The following RTN1 variants were observed in gnomAD, a reference collection of about 807,000 sequenced individuals.
RTN1 encodes reticulon 1.
In RTN1, 25 loss-of-function variants were observed where a neutral mutation model predicts 65.5. The ratio of observed to expected loss-of-function variants is 0.38; its 90% CI spans 0.28 to 0.53. The LOEUF (loss-of-function observed/expected upper bound fraction) is 0.53, where lower values mean the gene tolerates loss of function less well. RTN1 is among the 20% of genes least tolerant of loss of function. The pLI is 0.79. For synonymous variants in RTN1, 471 were observed against 447.6 expected (o/e 1.05, Z -0.66); for missense variants, 983 against 1,025.4 (o/e 0.96, Z 0.57).
chr14:59,743,245 A>C (rs1307320744), intron 2 of RTN1, among the ~76,000 whole-genome samples: 1 of 151,976 alleles, frequency 6.6e-6, no homozygotes, highest in Non-Finnish European at 1.5e-5. Flanking sequence ...ATGGCTACTT[A>C]AAAATGGAAA....
intron 1 of RTN1, among the ~76,000 whole-genome samples, chr14:59,850,026 C>G (rs894031581): frequency 1.3e-5 from 2 of 152,152 alleles, no homozygotes; most frequent in Admixed American, 1.3e-4. Flanking sequence ...TCTTCCCAGC[C>G]CCATTGCTCC....
chr14:59,690,399 A>G (rs950011159), intron 3 of RTN1, among the ~76,000 whole-genome samples: 10 of 152,198 alleles, frequency 6.6e-5, no homozygotes, highest in African/African-American at 9.6e-5. Flanking sequence ...TAGAAGCTTA[A>G]CTATCCTAAA....
chr14:59,790,723 T>C lies in RTN1; in HGVS notation c.242-44242A>G, dbSNP rs145512169. Among the ~76,000 whole-genome samples, 377 of 152,292 alleles carry C rather than the reference T, an allele frequency of 2.5e-3. 2 individuals are homozygous for C. Among genetic ancestry groups the C allele is most frequent in the Non-Finnish European group, 4.4e-3 (299 of 68,018 alleles). ...TTTTGCAAGTTCTTTTTAATGTTTT[T>C]TCTTTTTCATTTGTTCTATTTCCTA... On this transcript the variant is annotated intron_variant, in intron 1 of 8. Transcript: ENST00000267484. This position sits in a 1 kb window ranked among gnomAD's most constrained non-coding sequence, Gnocchi z 4.1.
intron 1 of RTN1, among the ~76,000 whole-genome samples, chr14:59,818,721 CTTAT>C (rs926607597): frequency 2.0e-5 from 3 of 152,174 alleles, no homozygotes; most frequent in African/African-American, 7.2e-5. Context: ...TCTCTTTTAA[CTTAT>C]TTGAGAATTC....
chr14:59,765,567 T>A (rs1405757997), intron 1 of RTN1, among the ~76,000 whole-genome samples: 16 of 152,254 alleles, frequency 1.1e-4, no homozygotes. Flanking sequence ...AAAATAGACA[T>A]CATAAACAAG....
intron 1 of RTN1, among the ~76,000 whole-genome samples, chr14:59,793,202 C>T (rs74833430): frequency 0.013 from 1,916 of 152,244 alleles, 38 homozygotes; most frequent in African/African-American, 0.043. Context: ...ACATCAAGTA[C>T]ACATTTTGAA....
intron 3 of RTN1, among the ~76,000 whole-genome samples, chr14:59,672,268 T>C (rs1202175206): frequency 6.6e-5 from 10 of 152,172 alleles, no homozygotes; most frequent in Admixed American, 6.5e-4. Context: ...TAGCAGCTGG[T>C]GTCCATTCAG....
intron 3 of RTN1, chr14:59,630,743 G>A (rs1882531514): frequency 2.8e-5 from 31 of 1,095,932 alleles, no homozygotes; most frequent in Non-Finnish European, 3.4e-5. Flanking sequence ...TGGGGATGCG[G>A]GCGCCGCTCC....
chr14:59,823,921 C>T (rs1289138022), intron 1 of RTN1, among the ~76,000 whole-genome samples: 10 of 152,198 alleles, frequency 6.6e-5, no homozygotes. Flanking sequence ...AGCTTGGTAT[C>T]TTTACACGAT....
At chr14:59,739,181 T>C (rs2139497475) in intron 2 of RTN1, among the ~76,000 whole-genome samples, 1 of 152,214 alleles carries the variant, frequency 6.6e-6, no homozygotes, top group South Asian at 2.1e-4. Flanking sequence ...GTCAGTCTTT[T>C]ATTAGGCAGG....
intron 1 of RTN1, among the ~76,000 whole-genome samples, chr14:59,833,133 T>C (rs1036009222): frequency 6.6e-6 from 1 of 152,168 alleles, no homozygotes; most frequent in African/African-American, 2.4e-5. Context: ...TCAGGAAGCA[T>C]CTTTATAACT....
chr14:59,618,543 T>C (rs1594635092), intron 3 of RTN1, among the ~76,000 whole-genome samples: 1 of 152,344 alleles, frequency 6.6e-6, no homozygotes, highest in East Asian at 1.9e-4. Context: ...GTGAGACTCA[T>C]TTGAATTACT....
intron 1 of RTN1, among the ~76,000 whole-genome samples, chr14:59,833,156 C>A (rs1024272911): frequency 1.3e-4 from 20 of 152,162 alleles, no homozygotes; most frequent in African/African-American, 4.8e-4. Flanking sequence ...GGCACACCAG[C>A]ATGTCTGGAA....
intron 2 of RTN1, among the ~76,000 whole-genome samples, chr14:59,744,931 T>C (rs1465350875): frequency 1.3e-5 from 2 of 152,220 alleles, no homozygotes; most frequent in Non-Finnish European, 2.9e-5. Context: ...ATACCCAATG[T>C]GGCAGTATTG....
intron 1 of RTN1, among the ~76,000 whole-genome samples, chr14:59,850,266 T>C (rs1394237070): frequency 6.6e-6 from 1 of 152,226 alleles, no homozygotes; most frequent in Non-Finnish European, 1.5e-5. Flanking sequence ...GAAAACACAA[T>C]GTATCTCAAA....
At chr14:59,670,545 G>A (rs906153590) in intron 3 of RTN1, among the ~76,000 whole-genome samples, 1 of 152,148 alleles carries the variant, frequency 6.6e-6, no homozygotes, top group Non-Finnish European at 1.5e-5. Context: ...CTTGAAGATG[G>A]CAACGTGGAC....
At chr14:59,626,333 G>C (rs1429608433) in intron 3 of RTN1, among the ~76,000 whole-genome samples, 1 of 152,188 alleles carries the variant, frequency 6.6e-6, no homozygotes, top group Non-Finnish European at 1.5e-5. Context: ...TTTAGGTTAT[G>C]CTCTCTGGAA....
At chr14:59,813,509 GAATACGTGTATCTTTGT>G (rs1465569081) in intron 1 of RTN1, among the ~76,000 whole-genome samples, 2 of 152,116 alleles carry the variant, frequency 1.3e-5, no homozygotes, top group Non-Finnish European at 1.5e-5. Context: ...TATTCCATTT[GAATACGTGTATCTTTGT>G]AAGACCGCTT....
At chr14:59,819,235 G>A (rs1047462904) in intron 1 of RTN1, among the ~76,000 whole-genome samples, 1 of 152,052 alleles carries the variant, frequency 6.6e-6, no homozygotes, top group Non-Finnish European at 1.5e-5. Flanking sequence ...ATTGTGAAGA[G>A]CGAAAGAACT....
Sources: allele counts gnomAD v4.1 joint callset (sites outside exome capture counted in the v4.1 genomes callset), GRCh38; gene constraint gnomAD v4.1.1; non-coding constraint Gnocchi (gnomAD v3.1); transcripts MANE v1.5; gene names NCBI Gene and HGNC (gene_info 2026-07-23, HGNC 2026-07-21).